Variants in SPATA16 observed in about 807,000 individuals in gnomAD.
The protein encoded by SPATA16 is spermatogenesis-associated protein 16.
Under a neutral mutation model 63.3 loss-of-function variants are expected in SPATA16, and 36 were observed. That is an observed-to-expected ratio of 0.57 (90% CI 0.44 to 0.75). The LOEUF (loss-of-function observed/expected upper bound fraction) is 0.75, where lower values mean the gene tolerates loss of function less well. Ranked by LOEUF, SPATA16 falls within the 30% of genes least tolerant of loss-of-function variation. SPATA16 has a pLI of 0.00. For missense variants in SPATA16, 646 were observed against 679.3 expected, an observed-to-expected ratio of 0.95 and a Z score of 0.54; for synonymous variants, 203 against 216.7, an observed-to-expected ratio of 0.94 and a Z score of 0.56.
intron 6 of SPATA16, among the ~76,000 whole-genome samples, chr3:172,956,459 C>A (rs1426888277): frequency 1.3e-5 from 2 of 152,076 alleles, no homozygotes; most frequent in Non-Finnish European, 2.9e-5. Context: ...ATCCCTACTT[C>A]TTAAAATATA....
intron 1 of SPATA16, among the ~76,000 whole-genome samples, chr3:173,127,211 C>G (rs984674656): frequency 6.6e-6 from 1 of 152,124 alleles, no homozygotes; most frequent in Non-Finnish European, 1.5e-5. Flanking sequence ...TGTAGGCACA[C>G]ACATAAAAAC....
chr3:172,910,061 G>A (rs1439688134), intron 10 of SPATA16, among the ~76,000 whole-genome samples: 3 of 150,864 alleles, frequency 2.0e-5, no homozygotes, highest in African/African-American at 7.3e-5. Flanking sequence ...TTTTGGGAGA[G>A]GTAATGCTCT....
intron 2 of SPATA16, among the ~76,000 whole-genome samples, chr3:173,088,073 T>TCTTC (rs1737122209): frequency 7.3e-6 from 1 of 136,334 alleles, no homozygotes; most frequent in African/African-American, 2.8e-5. Flanking sequence ...TTTCTTTCTT[T>TCTTC]CTTTCTGTCT....
intron 4 of SPATA16, among the ~76,000 whole-genome samples, chr3:172,988,416 C>T (rs189907687): frequency 1.3e-5 from 2 of 152,236 alleles, no homozygotes; most frequent in South Asian, 2.1e-4. Context: ...CTGTGTAGTA[C>T]GTGGGCTGTC....
chr3:173,035,326 G>T (rs1279455689), intron 3 of SPATA16, among the ~76,000 whole-genome samples: 1 of 152,026 alleles, frequency 6.6e-6, no homozygotes, highest in Admixed American at 6.6e-5. Flanking sequence ...ACTTAAAAAG[G>T]GCTAATCTGG....
In SPATA16 at chr3:173,051,483, G is replaced by T. The variant is rs570204262; in HGVS notation, c.613-2389C>A. On this transcript the variant is annotated intron_variant, in intron 2 of 10. Transcript: ENST00000351008. ...TCCAAAGTGCTGGGATTACAGGCGT[G>T]AGCCACCGTGCCCAGCCAATTTTTG... Among the ~76,000 whole-genome samples, 24 of 152,292 alleles carry T rather than the reference G, an allele frequency of 1.6e-4. No homozygotes were observed. In the South Asian group the frequency reaches 3.3e-3, roughly 21 times the overall value.
intron 3 of SPATA16, among the ~76,000 whole-genome samples, chr3:173,047,526 T>G (rs531487139): frequency 5.1e-4 from 77 of 152,132 alleles, no homozygotes; most frequent in Non-Finnish European, 9.4e-4. Flanking sequence ...TTTCAAATGT[T>G]TGTTTCTATT....
chr3:172,983,577 C>T (rs1278365315), intron 4 of SPATA16, among the ~76,000 whole-genome samples: 1 of 152,038 alleles, frequency 6.6e-6, no homozygotes, highest in Non-Finnish European at 1.5e-5. Context: ...TTCTCCTATA[C>T]TTAAAAAAGC....
At position 172,956,763 on chromosome 3, in the gene SPATA16, G is replaced by A. The variant is rs544088248; in HGVS notation, c.995C>T (p.Ala332Val). Residue 332 changes from alanine to valine, a missense_variant, in exon 6 of 11, where the codon GCG becomes GTG. Coordinates refer to ENST00000351008, the MANE Select transcript of SPATA16 (RefSeq NM_031955.6). ...TATTTTATCAGCTCTTATTTTTGTC[G>A]CAAATGGTGTGTACATAACCGAGAA... ...ESFSVMYTPF[A>V]TKIRADKIEK... 1.7e-5 allele frequency: 28 copies of A among 1,612,752 alleles called. No individual in the cohort carries two copies. The highest frequency in any genetic ancestry group is 1.1e-4 in the South Asian group (10 of 91,024).
intron 1 of SPATA16, among the ~76,000 whole-genome samples, chr3:173,122,250 C>T (rs1738095732): frequency 6.6e-6 from 1 of 151,970 alleles, no homozygotes; most frequent in South Asian, 2.1e-4. Flanking sequence ...AGTGGGTAAC[C>T]ATTTTAAATT....
chr3:173,028,864 A>G (rs981863269), intron 3 of SPATA16, among the ~76,000 whole-genome samples: 17 of 152,056 alleles, frequency 1.1e-4, no homozygotes, highest in African/African-American at 4.1e-4. Flanking sequence ...CCATATCGGA[A>G]GCTGTCTAGA....
intron 10 of SPATA16, among the ~76,000 whole-genome samples, chr3:172,897,896 G>T (rs1279827238): frequency 2.0e-5 from 3 of 151,934 alleles, no homozygotes; most frequent in African/African-American, 7.2e-5. Context: ...AGAATTTTTG[G>T]AGGTGCTCTT....
chr3:173,114,179 CAAAAAA>C (rs34754459), intron 2 of SPATA16, among the ~76,000 whole-genome samples: 2 of 66,280 alleles, frequency 3.0e-5, no homozygotes, highest in South Asian at 5.2e-4. Context: ...GACTCCATCT[CAAAAAA>C]AAAAAAAAAA....
chr3:173,111,528 AT>A (rs1405972020), intron 2 of SPATA16, among the ~76,000 whole-genome samples: 1 of 152,224 alleles, frequency 6.6e-6, no homozygotes, highest in Non-Finnish European at 1.5e-5. Flanking sequence ...CACTCAGAGA[AT>A]TTGGTGAACC....
At chr3:173,000,844 C>T (rs2108265809) in intron 4 of SPATA16, among the ~76,000 whole-genome samples, 1 of 152,058 alleles carries the variant, frequency 6.6e-6, no homozygotes, top group Admixed American at 6.6e-5. Flanking sequence ...CTCTTCATTT[C>T]TGTTACAGTG....
intron 10 of SPATA16, among the ~76,000 whole-genome samples, chr3:172,909,335 C>T (rs1448304453): frequency 2.0e-5 from 3 of 152,148 alleles, no homozygotes; most frequent in Non-Finnish European, 4.4e-5. Context: ...ACTCTTGGAA[C>T]CTAAGCTGGC....
rs191999630 is a variant in SPATA16 at position 173,029,659 on chromosome 3, G to A, written c.759-10084C>T. On this transcript the variant is annotated intron_variant, in intron 3 of 10. Transcript: ENST00000351008. ...TAAAAAGACTTGTCTTTCCTTCTAA[G>A]GCTGTTTGCCACACAACCATCTTTG... 1.6e-4 allele frequency among the ~76,000 whole-genome samples: 24 copies of A among 152,182 alleles called. No homozygotes were observed. The East Asian group carries it at 3.1e-3, about 20-fold the overall frequency.
intron 2 of SPATA16, among the ~76,000 whole-genome samples, chr3:173,113,662 A>G (rs969116068): frequency 6.6e-6 from 1 of 152,218 alleles, no homozygotes; most frequent in Non-Finnish European, 1.5e-5. Flanking sequence ...AGGAGTTAGT[A>G]CTTTGTCAAG....
intron 1 of SPATA16, among the ~76,000 whole-genome samples, chr3:173,130,124 G>A (rs1469741848): frequency 6.6e-6 from 1 of 151,908 alleles, no homozygotes; most frequent in Non-Finnish European, 1.5e-5. Context: ...GCACTTTGGG[G>A]GGTCGAGGCG....
Sources: gnomAD v4.1 joint callset for allele counts (sites outside exome capture counted in the v4.1 genomes callset) on GRCh38, gnomAD v4.1.1 for gene constraint, MANE v1.5 for transcripts, NCBI Gene and HGNC (gene_info 2026-07-23, HGNC 2026-07-21) for gene names.